The following AKAP7 variants were observed in gnomAD, a reference collection of about 807,000 sequenced individuals.
AKAP7 encodes the protein A-kinase anchoring protein 7.
AKAP7 carries 39 observed loss-of-function variants against 39.5 expected under a neutral mutation model. That is an observed-to-expected ratio of 0.99 (90% CI 0.76 to 1.29). AKAP7 has a LOEUF of 1.29. Ranked by LOEUF, AKAP7 falls within the 50% of genes most tolerant of loss-of-function variation. The pLI, the probability that AKAP7 is intolerant of heterozygous loss-of-function variation, is 0.00. For synonymous variants in AKAP7, 140 were observed against 139.1 expected (o/e 1.01, Z -0.05); for missense variants, 414 against 407.7 (o/e 1.02, Z -0.13).
intron 6 of AKAP7, chr6:131,200,135 T>C (rs1421302136): frequency 6.5e-6 from 1 of 154,062 alleles, no homozygotes; most frequent in Admixed American, 6.5e-5. Flanking sequence ...TACTTCTCCC[T>C]AAGGATGGTC....
At chr6:131,170,908 G>A (rs1803983922) in intron 5 of AKAP7, among the ~76,000 whole-genome samples, 1 of 152,162 alleles carries the variant, frequency 6.6e-6, no homozygotes, top group Admixed American at 6.6e-5. Flanking sequence ...TATCTTTATA[G>A]TAGAAGATTT....
intron 2 of AKAP7, among the ~76,000 whole-genome samples, chr6:131,154,468 G>GTTTT (rs58715551): frequency 1.8e-5 from 2 of 112,508 alleles, no homozygotes; most frequent in African/African-American, 6.5e-5. Context: ...CCCTGTCCCT[G>GTTTT]TTTTTTTTTT....
chr6:131,160,308 A>G (rs983959273), intron 3 of AKAP7, 110 bp downstream of exon 3: 67 of 1,093,536 alleles, frequency 6.1e-5, no homozygotes, highest in Non-Finnish European at 8.8e-5. Flanking sequence ...ATTTGGTGGC[A>G]TTTTAGCAGG....
chr6:131,210,100 T>C (rs1327628697), intron 6 of AKAP7, among the ~76,000 whole-genome samples: 1 of 152,236 alleles, frequency 6.6e-6, no homozygotes, highest in Non-Finnish European at 1.5e-5. Flanking sequence ...TGTATTCTTC[T>C]TGAGGGACTC....
intron 6 of AKAP7, among the ~76,000 whole-genome samples, chr6:131,202,669 T>C (rs1807702518): frequency 6.7e-6 from 1 of 149,604 alleles, no homozygotes. Context: ...AAATGACGAG[T>C]TAATGGGTGC....
intron 1 of AKAP7, among the ~76,000 whole-genome samples, chr6:131,143,086 A>T (rs1032569373): frequency 1.3e-5 from 2 of 152,228 alleles, no homozygotes; most frequent in Non-Finnish European, 2.9e-5. Context: ...ACAGGCTCAT[A>T]GGTGGAAGAA....
chr6:131,127,913 A>G, the AKAP7 span, among the ~76,000 whole-genome samples: 3 of 152,334 alleles, frequency 2.0e-5, no homozygotes, highest in South Asian at 6.2e-4. Flanking sequence ...TCCTTAGCAA[A>G]CTAACACAGG....
At chr6:131,188,562 G>A (rs539620479) in intron 5 of AKAP7, among the ~76,000 whole-genome samples, 256 of 152,158 alleles carry the variant, frequency 1.7e-3, no homozygotes, top group African/African-American at 5.9e-3. Context: ...TTTTAAGACC[G>A]TGTATCACTC....
chr6:131,269,500 G>C (rs1477173453), intron 7 of AKAP7, among the ~76,000 whole-genome samples: 2 of 152,140 alleles, frequency 1.3e-5, no homozygotes, highest in African/African-American at 2.4e-5. Context: ...AATTCAGGGA[G>C]GAAACCACCG....
chr6:131,145,554 A>G (rs1167838319), intron 2 of AKAP7, 138 bp downstream of exon 2: 1 of 550,510 alleles, frequency 1.8e-6, no homozygotes. Flanking sequence ...CATTTCATTT[A>G]TTCTAGTTTT....
chr6:131,201,155 C>G (rs1807526477), intron 6 of AKAP7, among the ~76,000 whole-genome samples: 1 of 152,170 alleles, frequency 6.6e-6, no homozygotes, highest in Admixed American at 6.5e-5. Context: ...AGCACTGTCT[C>G]TGCACCTGAG....
At chr6:131,139,437 AT>A (rs1472346821) in intron 1 of AKAP7, among the ~76,000 whole-genome samples, 1 of 152,240 alleles carries the variant, frequency 6.6e-6, no homozygotes, top group African/African-American at 2.4e-5. Context: ...GTAAAGAATG[AT>A]GTTGAACAAG....
chr6:131,161,314 C>T (rs1301723973), intron 3 of AKAP7, among the ~76,000 whole-genome samples: 1 of 151,888 alleles, frequency 6.6e-6, no homozygotes. Flanking sequence ...TTTACTGATA[C>T]ATATTTGATT....
intron 2 of AKAP7, among the ~76,000 whole-genome samples, chr6:131,155,388 A>G (rs11965549): frequency 0.11 from 16,318 of 152,240 alleles, 1,010 homozygotes; most frequent in Middle Eastern, 0.2. Context: ...CCTTTTTGCA[A>G]CTTTAAGATT....
At chr6:131,151,196 C>A (rs944557983) in intron 2 of AKAP7, among the ~76,000 whole-genome samples, 2 of 151,776 alleles carry the variant, frequency 1.3e-5, no homozygotes, top group South Asian at 2.1e-4. Context: ...GTGCCCACCA[C>A]CACACTCAGC....
At chr6:131,275,731 A>G (rs1814689863) in intron 7 of AKAP7, among the ~76,000 whole-genome samples, 1 of 152,168 alleles carries the variant, frequency 6.6e-6, no homozygotes, top group African/African-American at 2.4e-5. Context: ...ATCCTGAACC[A>G]TGTGGTTTGG....
At chr6:131,263,300 T>A (rs1813510694) in intron 7 of AKAP7, among the ~76,000 whole-genome samples, 1 of 152,206 alleles carries the variant, frequency 6.6e-6, no homozygotes, top group South Asian at 2.1e-4. Context: ...CTGGTAGGGC[T>A]CTGGCTTCCA....
chr6:131,129,412 A>T, the AKAP7 span, among the ~76,000 whole-genome samples: 1 of 152,156 alleles, frequency 6.6e-6, no homozygotes, highest in Non-Finnish European at 1.5e-5. Context: ...ATGTGACATG[A>T]TTTCATTTTT....
chr6:131,134,496 A>G (rs566016094), upstream of AKAP7, among the ~76,000 whole-genome samples: 1 of 152,174 alleles, frequency 6.6e-6, no homozygotes, highest in South Asian at 2.1e-4. Context: ...TTATTTCCGC[A>G]GTTACTTATG....
Sources: allele counts gnomAD v4.1 joint callset (sites outside exome capture counted in the v4.1 genomes callset), GRCh38; gene constraint gnomAD v4.1.1; transcripts MANE v1.5; gene names NCBI Gene and HGNC (gene_info 2026-07-23, HGNC 2026-07-21).